BRIP1: variants seen among roughly 807,000 people sequenced by gnomAD.
BRIP1 encodes Fanconi anemia group J protein.
A neutral mutation model predicts 119.7 loss-of-function variants in BRIP1; 88 were observed. The ratio of observed to expected loss-of-function variants is 0.74; its 90% CI spans 0.62 to 0.88. BRIP1 has a LOEUF of 0.88. Among genes scored for constraint, BRIP1 ranks in the 40% least tolerant of loss-of-function variants. The pLI is 0.00. For synonymous variants in BRIP1, 443 were observed against 496.5 expected, an observed-to-expected ratio of 0.89 and a Z score of 1.43; for missense variants, 1,259 against 1,455.4, an observed-to-expected ratio of 0.87 and a Z score of 2.20.
rs1011957738 is a variant in BRIP1, at chr17:61,842,822, G to A, written c.627+4279C>T. On this transcript the variant is annotated intron_variant, in intron 6 of 19. Coordinates refer to ENST00000259008, the MANE Select transcript of BRIP1 (RefSeq NM_032043.3). This position sits in a 1 kb window ranked among gnomAD's most constrained non-coding sequence, Gnocchi z 5.1. ...TATCAACTTGTTTAATCCTCCTAAC[G>A]GCCCCGTGAGATAGGTACTATTACT... is the stretch of plus-strand genomic sequence containing the variant. Among the ~76,000 whole-genome samples, 4 of 152,084 alleles carry A rather than the reference G, an allele frequency of 2.6e-5. No individual in the cohort carries two copies. The highest frequency in any genetic ancestry group is 9.6e-5 in the African/African-American group (4 of 41,500).
Position 61,793,767 on chromosome 17 carries a change from T to C in BRIP1, c.1341-38A>G. 1 of 1,592,130 alleles carries C rather than the reference T, an allele frequency of 6.3e-7. No individual in the cohort carries two copies. The highest frequency in any genetic ancestry group is 1.3e-5 in the African/African-American group (1 of 74,672). The stretch of plus-strand genomic sequence containing the variant: ...AAAACAATTGTGTCAACCAGTATCA[T>C]CCTTACACACACTATTTCAGCAGAA... On this transcript the variant is annotated intron_variant, in intron 9 of 19. Transcript: ENST00000259008. This position sits in a 1 kb window ranked among gnomAD's most constrained non-coding sequence, Gnocchi z 5.2.
At chr17:61,783,585 A>G (rs2077656696) in intron 11 of BRIP1, among the ~76,000 whole-genome samples, 1 of 152,144 alleles carries the variant, frequency 6.6e-6, no homozygotes, top group African/African-American at 2.4e-5. Context: ...ATAAAAAAAA[A>G]ATACCAGAAC....
At chr17:61,801,718 A>G (rs1432758354) in intron 7 of BRIP1, among the ~76,000 whole-genome samples, 1 of 152,006 alleles carries the variant, frequency 6.6e-6, no homozygotes, top group Non-Finnish European at 1.5e-5. Flanking sequence ...AATACCCTAA[A>G]TTAACTTGAA....
intron 17 of BRIP1, among the ~76,000 whole-genome samples, chr17:61,694,204 C>A (rs943892610): frequency 2.6e-5 from 4 of 152,132 alleles, no homozygotes; most frequent in African/African-American, 9.7e-5. Context: ...ATTTTCACCA[C>A]CCCAAAAAGA....
At chr17:61,779,148 T>G (rs1382806063) in intron 13 of BRIP1, among the ~76,000 whole-genome samples, 1 of 152,280 alleles carries the variant, frequency 6.6e-6, no homozygotes, top group Non-Finnish European at 1.5e-5. Flanking sequence ...ATAAGAGTAC[T>G]TTTAACTCAT....
At chr17:61,787,350 T>TAAAAATATATAAAAC (rs2077741056) in intron 10 of BRIP1, among the ~76,000 whole-genome samples, 1 of 126,082 alleles carries the variant, frequency 7.9e-6, no homozygotes, top group Non-Finnish European at 1.6e-5. Flanking sequence ...TATAAAACAT[T>TAAAAATATATAAAAC]ATATATTAAT....
At chr17:61,854,632 G>A (rs911880764) in intron 4 of BRIP1, among the ~76,000 whole-genome samples, 3 of 148,902 alleles carry the variant, frequency 2.0e-5, no homozygotes, top group Non-Finnish European at 4.4e-5. Flanking sequence ...ACTTGAACCC[G>A]AGAGGCAGAG....
At position 61,852,329 on chromosome 17, in the gene BRIP1, C is replaced by T. The variant is rs115739342; in HGVS notation, c.380-3073G>A. 3.1e-3 allele frequency among the ~76,000 whole-genome samples: 466 copies of T among 152,018 alleles called. 2 individuals carry two copies. The highest frequency in any genetic ancestry group is 0.011 in the African/African-American group (450 of 41,466). ...AGTTAAAAAGAAAGAAGATATCTCCCGATTATGTTTTTTTAAAATCTTCAA... is the reference window on the plus strand; with the variant it reads ...AGTTAAAAAGAAAGAAGATATCTCCTGATTATGTTTTTTTAAAATCTTCAA... On this transcript the variant is annotated intron_variant, in intron 4 of 19. Transcript: ENST00000259008. This position sits in a 1 kb window ranked among gnomAD's most constrained non-coding sequence, Gnocchi z 4.9.
intron 16 of BRIP1, 65 bp from the exon 17 acceptor site, chr17:61,716,128 T>C (rs911724179): frequency 6.1e-6 from 6 of 987,982 alleles, no homozygotes; most frequent in African/African-American, 1.6e-5. Context: ...AACATCATAT[T>C]AACTTCTAAC....
chr17:61,773,211 A>G (rs1477061777), intron 14 of BRIP1, among the ~76,000 whole-genome samples: 4 of 152,140 alleles, frequency 2.6e-5, no homozygotes, highest in Non-Finnish European at 1.5e-5. Context: ...AAAAATTTTA[A>G]AAGAATTAAA....
intron 7 of BRIP1, 107 bp from the exon 8 acceptor site, chr17:61,801,581 G>T: frequency 1.8e-6 from 2 of 1,083,028 alleles, no homozygotes; most frequent in Non-Finnish European, 2.8e-6. Context: ...ACAAGGCTAA[G>T]ATTTTACTGG....
In BRIP1 at chr17:61,761,982, G is replaced by A. The variant is rs1198592127; in HGVS notation, c.2097+14419C>T. On this transcript the variant is annotated intron_variant, in intron 14 of 19. Coordinates refer to ENST00000259008, the MANE Select transcript of BRIP1 (RefSeq NM_032043.3). The surrounding 1 kb of genome is among the most constrained non-coding windows in gnomAD (Gnocchi z 6.4). Reference sequence around the variant, plus strand: ...CATGAGTAAAAAGAACAAAAATGGAGGCATCACACGACCTGATTCCAAACC... The same window carrying A: ...CATGAGTAAAAAGAACAAAAATGGAAGCATCACACGACCTGATTCCAAACC... 1.3e-5 allele frequency among the ~76,000 whole-genome samples: 2 copies of A among 151,904 alleles called. No individual in the cohort carries two copies. Among genetic ancestry groups the A allele is most frequent in the Non-Finnish European group, 2.9e-5 (2 of 67,962 alleles).
In BRIP1 at chr17:61,793,849, C is replaced by T; in HGVS notation, c.1341-120G>A. 1 of 1,019,696 alleles carries T rather than the reference C, an allele frequency of 9.8e-7. No homozygotes were observed. Among genetic ancestry groups the T allele is most frequent in the Middle Eastern group, 2.2e-4 (1 of 4,608 alleles). 63.2% of individuals were successfully genotyped at this position (1,019,696 alleles called of 1,614,324 possible). A position where few individuals can be genotyped will look rare whatever the true frequency, so the allele number is the denominator to read the frequency against. On this transcript the variant is annotated intron_variant, in intron 9 of 19. Transcript: ENST00000259008. The surrounding 1 kb of genome is among the most constrained non-coding windows in gnomAD (Gnocchi z 5.2). The stretch of plus-strand genomic sequence containing the variant: ...TCTGTATATCTTGACATTCTTAGGA[C>T]ATGAATGTGGATTAATTAAGACACC...
At position 61,845,385 on chromosome 17, in the gene BRIP1, C is replaced by T. The variant is rs1317884889; in HGVS notation, c.627+1716G>A. On this transcript the variant is annotated intron_variant, in intron 6 of 19. Transcript: ENST00000259008. The surrounding 1 kb of genome is among the most constrained non-coding windows in gnomAD (Gnocchi z 4.2). ...AGGCATCATTTTGCAATATCATGCACTGGTCATTTAAATAATATTTAGTTC... is the reference window on the plus strand; with the variant it reads ...AGGCATCATTTTGCAATATCATGCATTGGTCATTTAAATAATATTTAGTTC... Among the ~76,000 whole-genome samples the T allele has an allele frequency of 6.6e-6, 1 of 152,136 alleles. No homozygotes were observed. The highest frequency in any genetic ancestry group is 2.4e-5 in the African/African-American group (1 of 41,434).
chr17:61,788,282 C>T (rs985025269), intron 10 of BRIP1, among the ~76,000 whole-genome samples: 5 of 151,672 alleles, frequency 3.3e-5, no homozygotes. Context: ...CTAACCAAAG[C>T]CATCTAATCT....
At position 61,754,969 on chromosome 17, in the gene BRIP1, G is replaced by A. The variant is rs374965370; in HGVS notation, c.2098-10378C>T. On this transcript the variant is annotated intron_variant, in intron 14 of 19. Coordinates refer to ENST00000259008, the MANE Select transcript of BRIP1 (RefSeq NM_032043.3). The surrounding 1 kb of genome is among the most constrained non-coding windows in gnomAD (Gnocchi z 4.1). ...GGGCTTCAACATAAAAAATTTGGTG[G>A]TATACAAACATTCAGTCCATAATAT... Among the ~76,000 whole-genome samples the A allele has an allele frequency of 1.3e-5, 2 of 152,090 alleles. No individual in the cohort carries two copies. The highest frequency in any genetic ancestry group is 4.8e-5 in the African/African-American group (2 of 41,410).
Position 61,846,586 on chromosome 17 carries a change from C to G in BRIP1, c.627+515G>C, listed in dbSNP as rs1186447304. The stretch of plus-strand genomic sequence containing the variant: ...ATTTTTTGTAGAATCAGGGTTTCGC[C>G]ATGTTGCCCAGGCTGGTTTCAAACT... On this transcript the variant is annotated intron_variant, in intron 6 of 19. Transcript: ENST00000259008. This position sits in a 1 kb window ranked among gnomAD's most constrained non-coding sequence, Gnocchi z 4.3. Among the ~76,000 whole-genome samples the G allele has an allele frequency of 6.6e-6, 1 of 152,066 alleles. No homozygotes were observed. Among genetic ancestry groups the G allele is most frequent in the Admixed American group, 6.6e-5 (1 of 15,252 alleles).
At chr17:61,733,711 A>C (rs560988051) in intron 16 of BRIP1, among the ~76,000 whole-genome samples, 1 of 152,286 alleles carries the variant, frequency 6.6e-6, no homozygotes, top group African/African-American at 2.4e-5. Context: ...CATAATGGTT[A>C]TTGTATGCTA....
rs1457359692 is a variant in BRIP1 at position 61,856,811 on chromosome 17, G to A, written c.379+247C>T. Among the ~76,000 whole-genome samples, 1 of 152,018 alleles carries A rather than the reference G, an allele frequency of 6.6e-6. No homozygotes were observed. Among genetic ancestry groups the A allele is most frequent in the East Asian group, 1.9e-4 (1 of 5,192 alleles). On this transcript the variant is annotated intron_variant, in intron 4 of 19. Coordinates refer to ENST00000259008, the MANE Select transcript of BRIP1 (RefSeq NM_032043.3). This position sits in a 1 kb window ranked among gnomAD's most constrained non-coding sequence, Gnocchi z 5.1. ...TCAATTTTGGAAAATCATTTATTTTGCCTTGCCTTCCTTAAAAAATTATTT... is the reference window on the plus strand; with the variant it reads ...TCAATTTTGGAAAATCATTTATTTTACCTTGCCTTCCTTAAAAAATTATTT...
Sources: gnomAD v4.1 joint callset for allele counts (sites outside exome capture counted in the v4.1 genomes callset) on GRCh38, gnomAD v4.1.1 for gene constraint, Gnocchi (gnomAD v3.1) non-coding constraint, MANE v1.5 for transcripts, NCBI Gene and HGNC (gene_info 2026-07-23, HGNC 2026-07-21) for gene names.